Variants in CEP83 observed in about 807,000 individuals in gnomAD.
CEP83 encodes the protein centrosomal protein of 83 kDa.
Under a neutral mutation model 101.9 loss-of-function variants are expected in CEP83, and 70 were observed. The observed-to-expected ratio is 0.69, with a 90% CI of 0.57 to 0.84. The LOEUF is 0.84. Ranked by LOEUF, CEP83 falls within the 40% of genes least tolerant of loss-of-function variation. The pLI is 0.00. For missense variants in CEP83, 715 were observed against 787.2 expected (o/e 0.91, Z 1.10); for synonymous variants, 264 against 267.9 (o/e 0.99, Z 0.14).
intron 14 of CEP83, among the ~76,000 whole-genome samples, chr12:94,321,254 C>T (rs553207449): frequency 2.2e-4 from 34 of 152,280 alleles, no homozygotes; most frequent in African/African-American, 6.5e-4. Context: ...GCTATTTCAT[C>T]TGTCAGTGCC....
intron 11 of CEP83, among the ~76,000 whole-genome samples, chr12:94,349,291 A>G (rs1206301824): frequency 6.6e-6 from 1 of 151,740 alleles, no homozygotes; most frequent in Non-Finnish European, 1.5e-5. Context: ...GTCTCAAAAA[A>G]AAAAAAAAAA....
At chr12:94,337,994 T>C (rs971801481) in intron 11 of CEP83, among the ~76,000 whole-genome samples, 2 of 152,098 alleles carry the variant, frequency 1.3e-5, no homozygotes, top group Non-Finnish European at 2.9e-5. Flanking sequence ...GGAGCCAGGT[T>C]AATAGGCTGG....
intron 13 of CEP83, among the ~76,000 whole-genome samples, chr12:94,332,121 G>C (rs1475884850): frequency 6.6e-6 from 1 of 152,202 alleles, no homozygotes; most frequent in South Asian, 2.1e-4. Context: ...GAGGATTAGA[G>C]CAGTTAACGA....
chr12:94,423,630 T>G (rs2064951934), intron 2 of CEP83: 1 of 1,547,378 alleles, frequency 6.5e-7, no homozygotes, highest in Non-Finnish European at 8.7e-7. Context: ...GTGTTAGTCC[T>G]TAGCAGGGCC....
intron 4 of CEP83, 140 bp from the exon 5 acceptor site, chr12:94,403,402 C>A (rs1193046007): frequency 6.0e-6 from 3 of 503,040 alleles, no homozygotes; most frequent in African/African-American, 6.0e-5. Context: ...GATCACTATA[C>A]AAATAGAATC....
Position 94,412,495 on chromosome 12 carries a change from A to C in CEP83, c.-5T>G, listed in dbSNP as rs781578059. The C allele has an allele frequency of 3.7e-6, 6 of 1,610,106 alleles. No homozygotes were observed. The highest frequency in any genetic ancestry group is 5.1e-6 in the Non-Finnish European group (6 of 1,178,686). On this transcript the variant is annotated 5_prime_UTR_variant, in exon 3 of 17. Transcript: ENST00000397809. ...GGTAAATGTGCTGACAACCATGTAA[A>C]AATAAGTTTTGGCTTTCTTACTGTT...
chr12:94,306,308 C>T (rs573843614), downstream of CEP83: 9 of 151,894 alleles, frequency 5.9e-5, no homozygotes, highest in Non-Finnish European at 1.3e-4. Context: ...TATTTGAGGC[C>T]CAAGGCCTGA....
At position 94,308,118 on chromosome 12, in the gene CEP83, A is replaced by G. The variant is rs117382918; in HGVS notation, c.*695T>C. The G allele has an allele frequency of 6.6e-6, 1 of 152,200 alleles. No individual in the cohort carries two copies. The highest frequency in any genetic ancestry group is 1.5e-5 in the Non-Finnish European group (1 of 68,018). The allele number at this position is 152,200 out of a possible 1,614,324, so 9.4% of individuals were successfully genotyped here. ...AAAGTTAAATACCAACAATGTTTAT[A>G]AAAGGACCTGAGTTCAAGTTTTATA... On this transcript the variant is annotated 3_prime_UTR_variant, in exon 17 of 17. Transcript: ENST00000397809.
At chr12:94,424,381 A>G (rs1245060338) in intron 2 of CEP83, 1 of 1,613,946 alleles carries the variant, frequency 6.2e-7, no homozygotes, top group African/African-American at 1.3e-5. Flanking sequence ...TATATTTTCC[A>G]TTAAAGTGGG....
intron 1 of CEP83, among the ~76,000 whole-genome samples, chr12:94,451,869 T>A (rs1286753942): frequency 6.6e-6 from 1 of 152,136 alleles, no homozygotes; most frequent in Non-Finnish European, 1.5e-5. Context: ...GCAGCATTAT[T>A]CATAACAGCC....
At chr12:94,329,992 T>A (rs950084543) in intron 14 of CEP83, among the ~76,000 whole-genome samples, 1 of 152,192 alleles carries the variant, frequency 6.6e-6, no homozygotes, top group Non-Finnish European at 1.5e-5. Context: ...ACTCCAACCA[T>A]CAGCAACATT....
rs192579242 is a variant in CEP83 at position 94,362,298 on chromosome 12, G to C, written c.1343+5496C>G. ...GGATGTAAATTAGTATAGCCATTAA[G>C]AAAAATAGTATGGAAGCTCTACAAA... On this transcript the variant is annotated intron_variant, in intron 11 of 16. Transcript: ENST00000397809. Among the ~76,000 whole-genome samples, 98 of 152,134 alleles carry C rather than the reference G, an allele frequency of 6.4e-4. 1 individual carries two copies. The East Asian group carries it at 0.011, about 17-fold the overall frequency.
intron 11 of CEP83, among the ~76,000 whole-genome samples, chr12:94,342,783 G>T (rs963897367): frequency 6.7e-6 from 1 of 149,080 alleles, no homozygotes; most frequent in African/African-American, 2.5e-5. Context: ...GACAAGTCAA[G>T]CAAAAAAAAA....
chr12:94,362,151 T>C (rs1477371519), intron 11 of CEP83, among the ~76,000 whole-genome samples: 3 of 152,210 alleles, frequency 2.0e-5, no homozygotes, highest in Non-Finnish European at 4.4e-5. Context: ...TAACTATTTA[T>C]CAGGGAAATG....
chr12:94,422,934 C>T (rs2064878491), intron 2 of CEP83, among the ~76,000 whole-genome samples: 1 of 152,056 alleles, frequency 6.6e-6, no homozygotes, highest in Non-Finnish European at 1.5e-5. Flanking sequence ...TCTGTGGACA[C>T]ATTTTCAGTT....
the CEP83 span, among the ~76,000 whole-genome samples, chr12:94,266,905 T>C: frequency 6.6e-6 from 1 of 152,060 alleles, no homozygotes; most frequent in South Asian, 2.1e-4. Flanking sequence ...TGCCCGGGCT[T>C]TCCCTCGGGA....
chr12:94,297,461 A>G, the CEP83 span: 1 of 1,349,476 alleles, frequency 7.4e-7, no homozygotes, highest in Non-Finnish European at 1.1e-6. Context: ...ATGGCTACCT[A>G]GGGGGTGTAT....
chr12:94,395,468 A>C (rs560595631), intron 6 of CEP83, among the ~76,000 whole-genome samples: 1 of 152,320 alleles, frequency 6.6e-6, no homozygotes, highest in South Asian at 2.1e-4. Context: ...GTTTTATACA[A>C]AAATATTTTG....
rs1178099441 is a variant in CEP83 at position 94,352,377 on chromosome 12, G to A, written c.1343+15417C>T. 3.4e-5 allele frequency among the ~76,000 whole-genome samples: 5 copies of A among 148,142 alleles called. No homozygotes were observed. In the East Asian group the frequency reaches 9.8e-4, roughly 29 times the overall value. On this transcript the variant is annotated intron_variant, in intron 11 of 16. Transcript: ENST00000397809. ...AGAGGTTGCAGTGAGCCAAGATTGT[G>A]CCACTGCACTCCAACCTGGGTGACA...
Sources: allele counts gnomAD v4.1 joint callset (sites outside exome capture counted in the v4.1 genomes callset), GRCh38; gene constraint gnomAD v4.1.1; transcripts MANE v1.5; gene names NCBI Gene and HGNC (gene_info 2026-07-23, HGNC 2026-07-21).